KCTD10: variants seen among roughly 807,000 people sequenced by gnomAD.
KCTD10 encodes BTB/POZ domain-containing adapter for CUL3-mediated RhoA degradation protein 3.
Under a neutral mutation model 34.6 loss-of-function variants are expected in KCTD10, and 13 were observed. The ratio of observed to expected loss-of-function variants is 0.38; its 90% CI spans 0.24 to 0.60. The LOEUF (loss-of-function observed/expected upper bound fraction) is 0.60. KCTD10 is among the 20% of genes least tolerant of loss of function. The probability of loss-of-function intolerance (pLI) is 0.66; values close to 1 mark genes in which losing one functional copy is unlikely to be tolerated. For missense variants in KCTD10, 256 were observed against 420.3 expected, an observed-to-expected ratio of 0.61 and a Z score of 3.42; for synonymous variants, 156 against 168.8, an observed-to-expected ratio of 0.92 and a Z score of 0.59.
intron 5 of KCTD10, chr12:109,457,342 A>G: frequency 3.4e-6 from 1 of 290,668 alleles, no homozygotes; most frequent in Non-Finnish European, 6.4e-6. Flanking sequence ...AGGCAGTGAA[A>G]AAGTTCTAAA....
intron 1 of KCTD10, among the ~76,000 whole-genome samples, chr12:109,474,696 A>G (rs1037021071): frequency 6.6e-6 from 1 of 152,184 alleles, no homozygotes; most frequent in Non-Finnish European, 1.5e-5. Context: ...AAAACAAACC[A>G]AAACACCATA....
In KCTD10 at chr12:109,451,547, G is replaced by C; in HGVS notation, c.*48C>G. On this transcript the variant is annotated 3_prime_UTR_variant, in exon 7 of 7. Transcript: ENST00000228495. This position sits in a 1 kb window ranked among gnomAD's most constrained non-coding sequence, Gnocchi z 5.0. Reference sequence around the variant, plus strand: ...CTGCACAGGATCTGGGTGTAGCACGGCAGGGAGTGGGGGCGGTGAGAGGAG... The same window carrying C: ...CTGCACAGGATCTGGGTGTAGCACGCCAGGGAGTGGGGGCGGTGAGAGGAG... 1 of 1,541,608 alleles carries C rather than the reference G, an allele frequency of 6.5e-7. No homozygotes were observed. The highest frequency in any genetic ancestry group is 8.8e-7 in the Non-Finnish European group (1 of 1,133,960).
chr12:109,475,617 G>A (rs552458676), intron 1 of KCTD10, among the ~76,000 whole-genome samples: 6 of 152,320 alleles, frequency 3.9e-5, no homozygotes, highest in Non-Finnish European at 7.3e-5. Flanking sequence ...ATTCGGATGT[G>A]GGACCAGGGC....
chr12:109,456,264 A>G lies in KCTD10; in HGVS notation c.577T>C (p.Ser193Pro). 1 of 1,614,196 alleles carries G rather than the reference A, an allele frequency of 6.2e-7. No homozygotes were observed. Among genetic ancestry groups the G allele is most frequent in the South Asian group, 1.1e-5 (1 of 91,080 alleles). ...LKNIELFDKL[S>P]LRFNGRVLFI... ...AGGACCCTTCCGTTAAAGCGCAGAG[A>G]CAGCTTATCAAACAGTTCAATGTTT... Residue 193 changes from serine to proline, a missense_variant, in exon 6 of 7, where the codon TCT becomes CCT. Physicochemically the swap from Ser to Pro is moderately conservative, Grantham distance 74. Transcript: ENST00000228495.
intron 2 of KCTD10, 128 bp downstream of exon 2, chr12:109,469,386 TG>T: frequency 9.4e-7 from 1 of 1,059,864 alleles, no homozygotes; most frequent in Non-Finnish European, 1.4e-6. Context: ...CAAGTCAAGA[TG>T]GTGGGAGTCC....
chr12:109,460,414 T>A lies in KCTD10; in HGVS notation c.387+222A>T, dbSNP rs1483508031. 1.8e-6 allele frequency: 1 copy of A among 555,376 alleles called. No homozygotes were observed. Among genetic ancestry groups the A allele is most frequent in the Non-Finnish European group, 3.2e-6 (1 of 310,076 alleles). The allele number at this position is 555,376 out of a possible 1,614,324, so 34.4% of individuals were successfully genotyped here. The stretch of plus-strand genomic sequence containing the variant: ...GTACACATGAGAAGATCCAACAGCA[T>A]GGGGCTGCAAGGAGTGACACAGTAG... On this transcript the variant is annotated intron_variant, in intron 3 of 6. Coordinates refer to ENST00000228495, the MANE Select transcript of KCTD10 (RefSeq NM_031954.5). This position sits in a 1 kb window ranked among gnomAD's most constrained non-coding sequence, Gnocchi z 4.5.
intron 6 of KCTD10, among the ~76,000 whole-genome samples, chr12:109,454,615 G>T (rs1471415264): frequency 6.6e-6 from 1 of 152,020 alleles, no homozygotes; most frequent in African/African-American, 2.4e-5. Flanking sequence ...TGTGGACCCA[G>T]CTACTCAGGA....
rs1451778702 is a variant in KCTD10, at chr12:109,449,325, A to G, written c.*2270T>C. The G allele has an allele frequency of 6.6e-6, 1 of 152,238 alleles. No individual in the cohort carries two copies. The highest frequency in any genetic ancestry group is 2.4e-5 in the African/African-American group (1 of 41,464). The allele number at this position is 152,238 out of a possible 1,614,324, so 9.4% of individuals were successfully genotyped here. A position where few individuals can be genotyped will look rare whatever the true frequency, so the allele number is the denominator to read the frequency against. ...TCCAGAGAGACAAAGACTCAAAACT[A>G]CAAGTGCAAAGTTGGGTAGAGAGAG... On this transcript the variant is annotated 3_prime_UTR_variant, in exon 7 of 7. Transcript: ENST00000228495.
chr12:109,451,682 C>T lies in KCTD10; in HGVS notation c.855G>A (p.Leu285=). ...TGGAAGRSHH[L]DEDEERERIE... ...TCCGCTCCCGCTCCTCGTCCTCGTC[C>T]AGGTGGTGGGAGCGCCCCGCCGCCC... The change falls in exon 7 of 7, where the codon CTG becomes CTA. Residue 285 remains leucine (L), a synonymous_variant. Transcript: ENST00000228495. The surrounding 1 kb of genome is among the most constrained non-coding windows in gnomAD (Gnocchi z 5.0). The T allele has an allele frequency of 2.5e-6, 4 of 1,613,876 alleles. No individual in the cohort carries two copies. The highest frequency in any genetic ancestry group is 1.7e-6 in the Non-Finnish European group (2 of 1,179,946).
At chr12:109,472,544 A>G (rs1873939444) in intron 1 of KCTD10, among the ~76,000 whole-genome samples, 1 of 152,184 alleles carries the variant, frequency 6.6e-6, no homozygotes, top group Non-Finnish European at 1.5e-5. Flanking sequence ...GTATATTCTA[A>G]AATAACCATT....
At chr12:109,468,830 T>A (rs1229588409) in intron 2 of KCTD10, among the ~76,000 whole-genome samples, 1 of 151,962 alleles carries the variant, frequency 6.6e-6, no homozygotes, top group Non-Finnish European at 1.5e-5. Flanking sequence ...TTTTTTGTAT[T>A]TTTAGTAGAG....
rs1329922243 is a variant in KCTD10 at position 109,451,414 on chromosome 12, C to G, written c.*181G>C. The G allele has an allele frequency of 6.7e-6, 4 of 593,836 alleles. No individual in the cohort carries two copies. In the East Asian group the frequency reaches 1.2e-4, roughly 17 times the overall value. The allele number at this position is 593,836 out of a possible 1,614,324, so 36.8% of individuals were successfully genotyped here. Reference sequence around the variant, plus strand: ...CTTGTTCAACGACAGGGGTCATACGCCTGGGTCAAGACAATCAATTTGCCT... The same window carrying G: ...CTTGTTCAACGACAGGGGTCATACGGCTGGGTCAAGACAATCAATTTGCCT... On this transcript the variant is annotated 3_prime_UTR_variant, in exon 7 of 7. Coordinates refer to ENST00000228495, the MANE Select transcript of KCTD10 (RefSeq NM_031954.5). This position sits in a 1 kb window ranked among gnomAD's most constrained non-coding sequence, Gnocchi z 5.0.
At chr12:109,463,665 C>T (rs72647799) in intron 2 of KCTD10, among the ~76,000 whole-genome samples, 7,298 of 152,258 alleles carry the variant, frequency 0.048, 215 homozygotes, top group Non-Finnish European at 0.067. Flanking sequence ...GGCTCCAGGA[C>T]GTCCTCAGCA....
chr12:109,461,136 C>T (rs1354521620), intron 2 of KCTD10, among the ~76,000 whole-genome samples: 1 of 152,246 alleles, frequency 6.6e-6, no homozygotes, highest in Non-Finnish European at 1.5e-5. Context: ...TCGTGTACCA[C>T]ACCTGGGTAA....
chr12:109,476,289 C>G (rs545730841), intron 1 of KCTD10, among the ~76,000 whole-genome samples: 1 of 152,286 alleles, frequency 6.6e-6, no homozygotes, highest in East Asian at 1.9e-4. Flanking sequence ...CAAAATGGAG[C>G]GGACTAGTCA....
At chr12:109,453,343 C>T (rs1337636302) in intron 6 of KCTD10, among the ~76,000 whole-genome samples, 1 of 152,082 alleles carries the variant, frequency 6.6e-6, no homozygotes, top group Non-Finnish European at 1.5e-5. Flanking sequence ...GCACACACCA[C>T]CATGCCCAGC....
At chr12:109,456,093 CA>C in intron 6 of KCTD10, 24 bp downstream of exon 6, 6 of 1,612,124 alleles carry the variant, frequency 3.7e-6, no homozygotes, top group Non-Finnish European at 5.1e-6. Flanking sequence ...ACAGCCACTC[CA>C]AACTGTCCTC....
chr12:109,476,149 G>A (rs760781352), intron 1 of KCTD10, among the ~76,000 whole-genome samples: 2 of 152,206 alleles, frequency 1.3e-5, no homozygotes, highest in Non-Finnish European at 2.9e-5. Flanking sequence ...GTCTGATTCA[G>A]TAGTCTCTGA....
intron 6 of KCTD10, among the ~76,000 whole-genome samples, chr12:109,452,845 C>CCTTTTTTTTTTTTT: frequency 7.0e-6 from 1 of 143,766 alleles, no homozygotes; most frequent in African/African-American, 2.7e-5. Flanking sequence ...GTTTTCTTTC[C>CCTTTTTTTTTTTTT]TTTTTTTTTA....
Sources: gnomAD v4.1 joint callset for allele counts (sites outside exome capture counted in the v4.1 genomes callset) on GRCh38, gnomAD v4.1.1 for gene constraint, Gnocchi (gnomAD v3.1) non-coding constraint, MANE v1.5 for transcripts, NCBI Gene and HGNC (gene_info 2026-07-23, HGNC 2026-07-21) for gene names.